SLC30A8: variants seen among roughly 807,000 people sequenced by gnomAD.
SLC30A8 encodes proton-coupled zinc antiporter SLC30A8.
In SLC30A8, 27 loss-of-function variants were observed where a neutral mutation model predicts 36.9. The ratio of observed to expected loss-of-function variants is 0.73; its 90% confidence interval spans 0.54 to 1.01. SLC30A8 has a LOEUF of 1.01. Among genes scored for constraint, SLC30A8 ranks in the 50% least tolerant of loss-of-function variants. SLC30A8 has a pLI of 0.00. For missense variants in SLC30A8, 439 were observed against 452.0 expected, an observed-to-expected ratio of 0.97 and a Z score of 0.26; for synonymous variants, 164 against 172.4, an observed-to-expected ratio of 0.95 and a Z score of 0.38.
intron 1 of SLC30A8, among the ~76,000 whole-genome samples, chr8:117,018,805 G>A (rs532633410): frequency 1.6e-3 from 237 of 151,982 alleles, no homozygotes; most frequent in African/African-American, 5.5e-3. Flanking sequence ...GACTACAGGG[G>A]CCTGCCACCA....
At chr8:117,066,106 G>A (rs1437771200) in intron 2 of SLC30A8, among the ~76,000 whole-genome samples, 1 of 152,152 alleles carries the variant, frequency 6.6e-6, no homozygotes, top group Non-Finnish European at 1.5e-5. Context: ...GCTGACCCAT[G>A]GGATGTCAAA....
chr8:116,955,892 T>A (rs1181861046), intron 1 of SLC30A8, among the ~76,000 whole-genome samples: 1 of 152,066 alleles, frequency 6.6e-6, no homozygotes, highest in Non-Finnish European at 1.5e-5. Flanking sequence ...TCCAGAACTG[T>A]GAGAGAAAAA....
At chr8:117,128,812 A>G (rs1287775482) in intron 2 of SLC30A8, among the ~76,000 whole-genome samples, 1 of 152,052 alleles carries the variant, frequency 6.6e-6, no homozygotes, top group Non-Finnish European at 1.5e-5. Flanking sequence ...TTTACTGACA[A>G]GAGCTTTCTG....
intron 1 of SLC30A8, among the ~76,000 whole-genome samples, chr8:116,962,606 C>T (rs896874733): frequency 4.6e-5 from 7 of 152,010 alleles, no homozygotes; most frequent in Non-Finnish European, 8.8e-5. Flanking sequence ...CTAGTTGATT[C>T]GTTTTCACAG....
intron 1 of SLC30A8, among the ~76,000 whole-genome samples, chr8:116,990,237 T>C (rs1351820385): frequency 6.6e-6 from 1 of 152,152 alleles, no homozygotes; most frequent in Non-Finnish European, 1.5e-5. Flanking sequence ...TTCAGAAACA[T>C]TGATTGCCCC....
chr8:117,159,320 A>G (rs1822659991), intron 4 of SLC30A8, among the ~76,000 whole-genome samples: 1 of 152,218 alleles, frequency 6.6e-6, no homozygotes, highest in Non-Finnish European at 1.5e-5. Flanking sequence ...TTTTTACATG[A>G]AGGTAGAGAA....
chr8:116,966,095 G>C (rs1219246365), intron 1 of SLC30A8, among the ~76,000 whole-genome samples: 1 of 152,008 alleles, frequency 6.6e-6, no homozygotes, highest in Non-Finnish European at 1.5e-5. Context: ...TGTTAGCCAG[G>C]CTGGTCTCGA....
chr8:117,009,461 A>G (rs1218860141), intron 1 of SLC30A8, among the ~76,000 whole-genome samples: 2 of 152,182 alleles, frequency 1.3e-5, no homozygotes, highest in Non-Finnish European at 2.9e-5. Flanking sequence ...TGTCATTCTT[A>G]TGTGATTTCT....
At chr8:116,958,510 T>A (rs533593899) in intron 1 of SLC30A8, among the ~76,000 whole-genome samples, 4 of 152,302 alleles carry the variant, frequency 2.6e-5, no homozygotes, top group African/African-American at 9.6e-5. Context: ...CACTGTCTCT[T>A]GCTTGCATCA....
chr8:117,035,814 G>A (rs1042367636), intron 1 of SLC30A8, among the ~76,000 whole-genome samples: 1 of 152,178 alleles, frequency 6.6e-6, no homozygotes, highest in Non-Finnish European at 1.5e-5. Flanking sequence ...CCAGCACCAC[G>A]TGGAAGCTGC....
intron 1 of SLC30A8, among the ~76,000 whole-genome samples, chr8:116,970,779 A>AT (rs146285843): frequency 5.3e-5 from 8 of 152,102 alleles, no homozygotes; most frequent in East Asian, 1.9e-4. Flanking sequence ...GATGTTAGCT[A>AT]TTTTTTTTAT....
chr8:117,102,138 T>C (rs1447237008), intron 2 of SLC30A8, among the ~76,000 whole-genome samples: 2 of 152,202 alleles, frequency 1.3e-5, no homozygotes, highest in African/African-American at 4.8e-5. Context: ...CTAATCTTTA[T>C]AGAAAATCTG....
chr8:117,044,905 T>G (rs1162000707), intron 2 of SLC30A8, among the ~76,000 whole-genome samples: 3 of 152,176 alleles, frequency 2.0e-5, no homozygotes, highest in African/African-American at 4.8e-5. Context: ...AGAAGGCGCC[T>G]TCTGCCTCAG....
chr8:117,078,110 C>G (rs1362009729), intron 2 of SLC30A8, among the ~76,000 whole-genome samples: 1 of 152,090 alleles, frequency 6.6e-6, no homozygotes, highest in African/African-American at 2.4e-5. Flanking sequence ...TGATAAAAAT[C>G]TATGATTAAT....
At chr8:117,163,762 A>G (rs1822911253) in intron 6 of SLC30A8, among the ~76,000 whole-genome samples, 1 of 152,194 alleles carries the variant, frequency 6.6e-6, no homozygotes, top group African/African-American at 2.4e-5. Context: ...TCACAGTGTA[A>G]AAACAGTAAG....
At chr8:116,995,524 C>T (rs1489944179) in intron 1 of SLC30A8, among the ~76,000 whole-genome samples, 1 of 151,970 alleles carries the variant, frequency 6.6e-6, no homozygotes, top group African/African-American at 2.4e-5. Context: ...TCTGGAGGTG[C>T]AGGTTGTGGG....
intron 1 of SLC30A8, among the ~76,000 whole-genome samples, chr8:117,018,662 AG>A (rs1490597322): frequency 1.9e-5 from 2 of 106,944 alleles, no homozygotes; most frequent in Non-Finnish European, 3.7e-5. Context: ...AAATCTGACT[AG>A]CCCCCCCCCC....
At chr8:117,123,431 AT>A (rs1277592395) in intron 2 of SLC30A8, among the ~76,000 whole-genome samples, 1 of 152,052 alleles carries the variant, frequency 6.6e-6, no homozygotes, top group Non-Finnish European at 1.5e-5. Flanking sequence ...TAAATGTAGC[AT>A]TAATTAGAAA....
At chr8:117,033,955 C>A (rs1817133203) in intron 1 of SLC30A8, among the ~76,000 whole-genome samples, 2 of 152,188 alleles carry the variant, frequency 1.3e-5, no homozygotes, top group Non-Finnish European at 2.9e-5. Context: ...CAAGCATTGG[C>A]CTCATTGCTG....
Sources: gnomAD v4.1 joint callset for allele counts (sites outside exome capture counted in the v4.1 genomes callset) on GRCh38, gnomAD v4.1.1 for gene constraint, MANE v1.5 for transcripts, NCBI Gene and HGNC (gene_info 2026-07-23, HGNC 2026-07-21) for gene names.